The following ULK4 variants were observed in gnomAD, a reference collection of about 807,000 sequenced individuals.
The protein encoded by ULK4 is inactive serine/threonine-protein kinase ULK4.
In ULK4, 133 loss-of-function variants were observed where a neutral mutation model predicts 160.6. That is an observed-to-expected ratio of 0.83 (90% confidence interval 0.72 to 0.96). The LOEUF is 0.96. ULK4 is among the 40% of genes least tolerant of loss of function. The pLI, the probability that ULK4 is intolerant of heterozygous loss-of-function variation, is 0.00. For missense variants in ULK4, 1,580 were observed against 1,499.5 expected (o/e 1.05, Z -0.89); for synonymous variants, 534 against 539.8 (o/e 0.99, Z 0.15).
chr3:41,427,075 G>C (rs1367574626), intron 34 of ULK4, among the ~76,000 whole-genome samples: 1 of 152,072 alleles, frequency 6.6e-6, no homozygotes, highest in African/African-American at 2.4e-5. Context: ...AAATGATAAA[G>C]GGGATATCAC....
At chr3:41,729,308 G>A (rs184556950) in intron 22 of ULK4, among the ~76,000 whole-genome samples, 18 of 152,326 alleles carry the variant, frequency 1.2e-4, no homozygotes, top group South Asian at 1.0e-3. Context: ...TGCAGTTTTC[G>A]TTGCTGAAGA....
intron 34 of ULK4, among the ~76,000 whole-genome samples, chr3:41,402,345 A>C (rs531982168): frequency 2.0e-5 from 3 of 152,124 alleles, no homozygotes; most frequent in Non-Finnish European, 2.9e-5. Flanking sequence ...TATTCCTTTT[A>C]TTTCTTTCCA....
chr3:41,883,874 C>T lies in ULK4; in HGVS notation c.1656G>A (p.Glu552=), dbSNP rs1697615861. 4 of 1,602,220 alleles carry T rather than the reference C, an allele frequency of 2.5e-6. No homozygotes were observed. The highest frequency in any genetic ancestry group is 2.2e-5 in the East Asian group (1 of 44,814). The part of the protein sequence containing the change: ...AELQENTPVV[E]AIVLLTELIR... ...ACATTTAAGTAATAAAAGACATTACCTCAACAACAGGTGTATTTTCCTGGA... is the reference window on the plus strand; with the variant it reads ...ACATTTAAGTAATAAAAGACATTACTTCAACAACAGGTGTATTTTCCTGGA... Residue 552 remains glutamate (E), a splice_region_variant and synonymous_variant, in exon 17 of 37, where the codon GAG becomes GAA. Transcript: ENST00000301831.
chr3:41,843,865 C>A (rs937995262), intron 17 of ULK4, among the ~76,000 whole-genome samples: 1 of 151,992 alleles, frequency 6.6e-6, no homozygotes, highest in African/African-American at 2.4e-5. Context: ...CTGACTGGTG[C>A]GTTTACAATC....
chr3:41,657,064 C>CA (rs756119462), intron 30 of ULK4, among the ~76,000 whole-genome samples: 2 of 151,832 alleles, frequency 1.3e-5, no homozygotes, highest in Non-Finnish European at 2.9e-5. Context: ...GAAACTGCAC[C>CA]AACATGGCAA....
chr3:41,362,597 AT>A (rs2081168850), intron 35 of ULK4, among the ~76,000 whole-genome samples: 1 of 152,164 alleles, frequency 6.6e-6, no homozygotes, highest in Non-Finnish European at 1.5e-5. Flanking sequence ...TATGCCTCAG[AT>A]TTTATAACTC....
chr3:41,265,654 C>T (rs908304539), intron 35 of ULK4, among the ~76,000 whole-genome samples: 1 of 152,142 alleles, frequency 6.6e-6, no homozygotes, highest in Non-Finnish European at 1.5e-5. Flanking sequence ...TGATCAAATA[C>T]CGACTCCATT....
At chr3:41,827,688 A>C (rs540113092) in intron 18 of ULK4, among the ~76,000 whole-genome samples, 1 of 152,348 alleles carries the variant, frequency 6.6e-6, no homozygotes, top group South Asian at 2.1e-4. Context: ...GTTCAGGACT[A>C]GATGGATTCA....
chr3:41,615,205 A>G (rs2032903070), intron 31 of ULK4, among the ~76,000 whole-genome samples: 1 of 152,208 alleles, frequency 6.6e-6, no homozygotes, highest in Non-Finnish European at 1.5e-5. Context: ...AAAATGGTGT[A>G]TGGAAGCTAA....
chr3:41,493,490 T>C (rs1318763858), intron 32 of ULK4, among the ~76,000 whole-genome samples: 7 of 124,072 alleles, frequency 5.6e-5, no homozygotes, highest in Non-Finnish European at 7.2e-5. Flanking sequence ...AGATCCAAAA[T>C]TGACACCCTG....
intron 17 of ULK4, among the ~76,000 whole-genome samples, chr3:41,875,223 A>G (rs1162835635): frequency 6.6e-6 from 1 of 152,156 alleles, no homozygotes; most frequent in Non-Finnish European, 1.5e-5. Context: ...TAATGGTGAA[A>G]ATAATGTTAC....
intron 31 of ULK4, 127 bp from the exon 32 acceptor site, chr3:41,566,257 T>G: frequency 2.7e-6 from 2 of 742,080 alleles, no homozygotes; most frequent in South Asian, 3.8e-5. Context: ...CTTTTTGCAC[T>G]TTAATGAAGC....
chr3:41,453,113 C>T (rs2125868834), intron 34 of ULK4, among the ~76,000 whole-genome samples: 2 of 152,236 alleles, frequency 1.3e-5, no homozygotes, highest in South Asian at 4.1e-4. Flanking sequence ...AGGTAAAGCA[C>T]TAATAGAATC....
intron 32 of ULK4, among the ~76,000 whole-genome samples, chr3:41,468,780 C>A (rs879530146): frequency 2.0e-5 from 3 of 152,188 alleles, no homozygotes; most frequent in Admixed American, 2.0e-4. Flanking sequence ...CAGAGGTGGA[C>A]AACCATCTTC....
At chr3:41,348,650 G>A (rs1050827388) in intron 35 of ULK4, among the ~76,000 whole-genome samples, 6 of 151,580 alleles carry the variant, frequency 4.0e-5, no homozygotes, top group Admixed American at 6.6e-5. Context: ...AGTAAAACGC[G>A]AGTAAATGTA....
intron 31 of ULK4, among the ~76,000 whole-genome samples, chr3:41,607,696 T>C (rs1433629282): frequency 3.3e-5 from 5 of 152,154 alleles, no homozygotes; most frequent in African/African-American, 9.7e-5. Context: ...GGGGAGAAAT[T>C]TGAGCATCCA....
chr3:41,311,664 G>A (rs1393070131), intron 35 of ULK4, among the ~76,000 whole-genome samples: 2 of 152,106 alleles, frequency 1.3e-5, no homozygotes, highest in Non-Finnish European at 2.9e-5. Context: ...TGCCTCCCGA[G>A]TTCAAGCGAT....
chr3:41,651,867 C>T (rs2034757514), intron 30 of ULK4, among the ~76,000 whole-genome samples: 1 of 152,174 alleles, frequency 6.6e-6, no homozygotes, highest in East Asian at 1.9e-4. Flanking sequence ...TAGCTTCCAA[C>T]ATAAGCATGC....
chr3:41,927,111 T>C (rs937373640), intron 5 of ULK4, among the ~76,000 whole-genome samples: 3 of 152,170 alleles, frequency 2.0e-5, no homozygotes, highest in Admixed American at 6.5e-5. Context: ...AAGGTTGGGT[T>C]ACCCGCAAAG....
Sources: gnomAD v4.1 joint callset for allele counts (sites outside exome capture counted in the v4.1 genomes callset) on GRCh38, gnomAD v4.1.1 for gene constraint, MANE v1.5 for transcripts, NCBI Gene and HGNC (gene_info 2026-07-23, HGNC 2026-07-21) for gene names.